FNBP1: variants seen among roughly 807,000 people sequenced by gnomAD.
FNBP1 encodes the protein formin binding protein 1, also known as formin-binding protein 1.
Under a neutral mutation model 90.6 loss-of-function variants are expected in FNBP1, and 26 were observed. The ratio of observed to expected loss-of-function variants is 0.29; its 90% CI spans 0.21 to 0.40. The LOEUF (loss-of-function observed/expected upper bound fraction) is 0.40, where lower values mean the gene tolerates loss of function less well. Among genes scored for constraint, FNBP1 ranks in the 10% least tolerant of loss-of-function variants. The pLI is 1.00. For missense variants in FNBP1, 635 were observed against 768.0 expected, an observed-to-expected ratio of 0.83 and a Z score of 2.05; for synonymous variants, 260 against 265.2, an observed-to-expected ratio of 0.98 and a Z score of 0.19.
At chr9:129,981,047 T>G (rs1309440854) in intron 2 of FNBP1, among the ~76,000 whole-genome samples, 1 of 29,054 alleles carries the variant, frequency 3.4e-5, no homozygotes, top group African/African-American at 7.4e-5. Context: ...CGAGACTCCG[T>G]CTCAAAAAAA....
chr9:129,998,194 T>C (rs1295905166), intron 1 of FNBP1, among the ~76,000 whole-genome samples: 3 of 59,332 alleles, frequency 5.1e-5, no homozygotes, highest in Admixed American at 2.6e-4. Context: ...AGACTCTGTC[T>C]CGAAAAAAAA....
intron 4 of FNBP1, among the ~76,000 whole-genome samples, chr9:129,973,606 T>G (rs1181734552): frequency 6.6e-6 from 1 of 151,370 alleles, no homozygotes; most frequent in African/African-American, 2.4e-5. Flanking sequence ...GTTCACGCCA[T>G]TCTCCTGCCT....
chr9:129,954,019 C>T (rs915132884), intron 6 of FNBP1, among the ~76,000 whole-genome samples: 1 of 150,632 alleles, frequency 6.6e-6, no homozygotes, highest in Non-Finnish European at 1.5e-5. Flanking sequence ...TCTCTATATA[C>T]AAAAAATAAT....
intron 4 of FNBP1, among the ~76,000 whole-genome samples, chr9:129,975,811 G>A (rs2050210789): frequency 6.7e-6 from 1 of 149,804 alleles, no homozygotes; most frequent in Admixed American, 6.7e-5. Flanking sequence ...GCTGAGGCAG[G>A]AGAATCGCTT....
At position 129,938,541 on chromosome 9, in the gene FNBP1, C is replaced by CT. The variant is rs77369142; in HGVS notation, c.514-8847dup. 1.7e-3 allele frequency among the ~76,000 whole-genome samples: 235 copies of CT among 140,580 alleles called. 1 individual carries two copies. The highest frequency in any genetic ancestry group is 4.5e-3 in the South Asian group (20 of 4,406). 92.2% of individuals were successfully genotyped at this position (140,580 alleles called of 152,430 possible). A position where few individuals can be genotyped will look rare whatever the true frequency, so the allele number is the denominator to read the frequency against. On this transcript the variant is annotated intron_variant, in intron 6 of 16. Transcript: ENST00000446176. ...GAACTATTCCAGCAATTTCCTGACT[C>CT]TTTTTTTTTTTTTTGAAAACAGTCT...
intron 6 of FNBP1, among the ~76,000 whole-genome samples, chr9:129,932,230 A>G (rs2042875076): frequency 6.6e-6 from 1 of 152,144 alleles, no homozygotes; most frequent in African/African-American, 2.4e-5. Flanking sequence ...AGAAAAGAAA[A>G]AAAAAGAACA....
chr9:129,912,972 C>A (rs865945206), intron 11 of FNBP1, among the ~76,000 whole-genome samples: 1 of 152,122 alleles, frequency 6.6e-6, no homozygotes, highest in African/African-American at 2.4e-5. Context: ...GTAATCCCAG[C>A]ACTTTGGGAG....
At chr9:129,905,888 T>TG (rs926730924) in intron 12 of FNBP1, among the ~76,000 whole-genome samples, 89 of 148,290 alleles carry the variant, frequency 6.0e-4, no homozygotes, top group East Asian at 2.2e-3. Flanking sequence ...TCTTTTTTTT[T>TG]TTGTTTTTTT....
At chr9:129,932,085 C>G in intron 6 of FNBP1, among the ~76,000 whole-genome samples, 1 of 151,814 alleles carries the variant, frequency 6.6e-6, no homozygotes, top group African/African-American at 2.4e-5. Flanking sequence ...GTGGTGGGCG[C>G]CTTTAGTCCC....
chr9:129,901,887 G>C (rs553426850), intron 13 of FNBP1, among the ~76,000 whole-genome samples: 1 of 152,278 alleles, frequency 6.6e-6, no homozygotes, highest in African/African-American at 2.4e-5. Flanking sequence ...ACTCCAGCCT[G>C]GGCAACAGGG....
intron 1 of FNBP1, among the ~76,000 whole-genome samples, chr9:130,036,259 T>G (rs755506971): frequency 3.0e-4 from 46 of 152,298 alleles, no homozygotes; most frequent in Admixed American, 5.9e-4. Context: ...ATGAAACAAG[T>G]ATGAGTAATA....
At chr9:130,046,580 C>CAAAAA (rs56392821), upstream of FNBP1, among the ~76,000 whole-genome samples, 20 of 66,784 alleles carry the variant, frequency 3.0e-4, no homozygotes, top group Admixed American at 6.8e-4. Flanking sequence ...ACTAAAAATA[C>CAAAAA]AAAAAAAAAA....
intron 4 of FNBP1, among the ~76,000 whole-genome samples, chr9:129,977,197 C>T (rs2050464499): frequency 6.6e-6 from 1 of 151,992 alleles, no homozygotes; most frequent in African/African-American, 2.4e-5. Flanking sequence ...AACGTGATTA[C>T]TTTATTACTA....
At chr9:130,013,743 G>T (rs1041232669) in intron 1 of FNBP1, 2 of 456,558 alleles carry the variant, frequency 4.4e-6, no homozygotes, top group Non-Finnish European at 8.8e-6. Context: ...AAACTTAATG[G>T]GAAATGGGGC....
chr9:130,018,575 A>G (rs1451766789), intron 1 of FNBP1, among the ~76,000 whole-genome samples: 2 of 151,618 alleles, frequency 1.3e-5, no homozygotes, highest in African/African-American at 2.4e-5. Flanking sequence ...TTATTTATTT[A>G]TTTATTTAGA....
At chr9:129,922,593 A>G (rs531127312) in intron 10 of FNBP1, among the ~76,000 whole-genome samples, 2 of 152,354 alleles carry the variant, frequency 1.3e-5, no homozygotes, top group South Asian at 2.1e-4. Context: ...TTTGCACACA[A>G]TAAGTGCTCA....
chr9:130,015,926 C>T (rs777195063), intron 1 of FNBP1, among the ~76,000 whole-genome samples: 4 of 152,154 alleles, frequency 2.6e-5, no homozygotes, highest in African/African-American at 4.8e-5. Flanking sequence ...GCACCTGCCT[C>T]GGTCTCCCAA....
At chr9:130,052,683 C>T in the FNBP1 span, among the ~76,000 whole-genome samples, 1 of 152,070 alleles carries the variant, frequency 6.6e-6, no homozygotes, top group Non-Finnish European at 1.5e-5. Context: ...GATCCGCCCG[C>T]CTCGGCGTTC....
At chr9:129,925,703 C>A (rs2041806450) in intron 8 of FNBP1, among the ~76,000 whole-genome samples, 1 of 144,106 alleles carries the variant, frequency 6.9e-6, no homozygotes. Flanking sequence ...AAGCGATTCT[C>A]CTGCCTCAGC....
Sources: gnomAD v4.1 joint callset for allele counts (sites outside exome capture counted in the v4.1 genomes callset) on GRCh38, gnomAD v4.1.1 for gene constraint, MANE v1.5 for transcripts, NCBI Gene and HGNC (gene_info 2026-07-23, HGNC 2026-07-21) for gene names.